Variants in RDX observed in about 807,000 individuals in gnomAD.
RDX encodes the protein radixin.
In RDX, 32 loss-of-function variants were observed where a neutral mutation model predicts 83.7. That is an observed-to-expected ratio of 0.38 (90% CI 0.29 to 0.51). The LOEUF is 0.51. Ranked by LOEUF, RDX falls within the 20% of genes least tolerant of loss-of-function variation. The pLI is 0.87. For synonymous variants in RDX, 229 were observed against 222.7 expected, an observed-to-expected ratio of 1.03 and a Z score of -0.25; for missense variants, 600 against 689.9, an observed-to-expected ratio of 0.87 and a Z score of 1.46.
downstream of RDX, among the ~76,000 whole-genome samples, chr11:110,225,873 C>A (rs893045347): frequency 1.3e-5 from 2 of 151,280 alleles, no homozygotes; most frequent in Non-Finnish European, 2.9e-5. Context: ...ATGGAGAAAT[C>A]CTGTCTCTAC....
chr11:110,210,758 G>A (rs1328414636), intron 14 of RDX, among the ~76,000 whole-genome samples: 1 of 151,980 alleles, frequency 6.6e-6, no homozygotes, highest in Non-Finnish European at 1.5e-5. Flanking sequence ...AAGTGAAGGA[G>A]AAATAAAATA....
intron 1 of RDX, among the ~76,000 whole-genome samples, chr11:110,284,331 T>C (rs149144336): frequency 1.3e-5 from 2 of 152,318 alleles, no homozygotes; most frequent in South Asian, 2.1e-4. Flanking sequence ...TTCTTTACAA[T>C]AGCCAATGAT....
At chr11:110,237,427 C>T in intron 11 of RDX, 65 bp downstream of exon 11, 4 of 1,491,326 alleles carry the variant, frequency 2.7e-6, no homozygotes, top group Admixed American at 2.1e-5. Flanking sequence ...TTCTTTTTTT[C>T]TTTTTTAGAG....
chr11:110,275,780 TC>T (rs1362112284), intron 2 of RDX, among the ~76,000 whole-genome samples: 3 of 136,290 alleles, frequency 2.2e-5, no homozygotes, highest in Non-Finnish European at 3.1e-5. Flanking sequence ...TTTTTTACCA[TC>T]CTTTTTTTTT....
chr11:110,273,342 G>GT (rs1860377057), intron 2 of RDX, among the ~76,000 whole-genome samples: 1 of 152,178 alleles, frequency 6.6e-6, no homozygotes, highest in Non-Finnish European at 1.5e-5. Context: ...TATTCATACT[G>GT]TAAATACATT....
chr11:110,293,931 C>T (rs1448706312), intron 1 of RDX, among the ~76,000 whole-genome samples: 2 of 152,142 alleles, frequency 1.3e-5, no homozygotes, highest in African/African-American at 4.8e-5. Context: ...AATTAAAATG[C>T]ATTAAATTAA....
chr11:110,189,268 A>AAAAAAAAAAAAAAAAAAAAAAG (rs1863057746), intron 15 of RDX, among the ~76,000 whole-genome samples: 1 of 130,632 alleles, frequency 7.7e-6, no homozygotes, highest in Non-Finnish European at 1.6e-5. Flanking sequence ...AAAAAAAAAA[A>AAAAAAAAAAAAAAAAAAAAAAG]GACAAGGGCA....
chr11:110,270,125 T>C (rs1860244951), intron 3 of RDX, among the ~76,000 whole-genome samples: 1 of 151,628 alleles, frequency 6.6e-6, no homozygotes, highest in African/African-American at 2.4e-5. Context: ...CATGTGTGCG[T>C]GTGTGTGTGT....
chr11:110,235,928 G>T (rs570881161), intron 12 of RDX, among the ~76,000 whole-genome samples, 171 bp downstream of exon 12: 1 of 152,234 alleles, frequency 6.6e-6, no homozygotes, highest in Admixed American at 6.5e-5. Flanking sequence ...CCTCTTCTGT[G>T]TTCCCAAAGT....
At chr11:110,187,913 G>A (rs1863018808) in intron 15 of RDX, among the ~76,000 whole-genome samples, 1 of 152,212 alleles carries the variant, frequency 6.6e-6, no homozygotes, top group African/African-American at 2.4e-5. Flanking sequence ...ACCCACAAGT[G>A]CCATCCACTG....
At chr11:110,292,363 T>A (rs571680636) in intron 1 of RDX, among the ~76,000 whole-genome samples, 2 of 151,374 alleles carry the variant, frequency 1.3e-5, no homozygotes, top group African/African-American at 4.9e-5. Context: ...GGGAGACTGA[T>A]GTGGGAGGAA....
In RDX at chr11:110,254,066, A is replaced by T; in HGVS notation, c.839T>A (p.Ile280Asn). Residue 280 changes from isoleucine (I) to asparagine (N), a missense_variant, in exon 9 of 14, where the codon ATT becomes AAT. By Grantham distance (149) the Ile-to-Asn change is moderately radical. Coordinates refer to ENST00000645495, the MANE Select transcript of RDX (RefSeq NM_002906.4). ...YAPRLRINKR[I>N]LALCMGNHEL... ...ATGGTTTCCCATACATAAGGCCAAA[A>T]TCCGCTTATTGATTCTCAGACGAGG... 6.2e-7 allele frequency: 1 copy of T among 1,613,734 alleles called. No individual in the cohort carries two copies. Among genetic ancestry groups the T allele is most frequent in the Non-Finnish European group, 8.5e-7 (1 of 1,179,818 alleles).
chr11:110,225,140 C>G (rs1024263338), downstream of RDX, among the ~76,000 whole-genome samples: 1 of 152,198 alleles, frequency 6.6e-6, no homozygotes, highest in South Asian at 2.1e-4. Context: ...CGTATTCTCT[C>G]TTCTGCCGTG....
chr11:110,195,043 C>T lies in RDX; in HGVS notation c.*31+4538G>A, dbSNP rs186233178. On this transcript the variant is annotated intron_variant, in intron 15 of 15. Coordinates refer to the RDX transcript ENST00000528498. ...TCTCGCTTTGTCGTCCAGGCTGGAG[C>T]GCAGTGGTGCGATCTCAGCTCACTG... is the stretch of plus-strand genomic sequence containing the variant. Among the ~76,000 whole-genome samples, 32 of 152,050 alleles carry T rather than the reference C, an allele frequency of 2.1e-4. No homozygotes were observed. In the East Asian group the frequency reaches 5.8e-3, roughly 28 times the overall value.
At chr11:110,215,827 C>G (rs1255488332) in intron 14 of RDX, among the ~76,000 whole-genome samples, 1 of 152,288 alleles carries the variant, frequency 6.6e-6, no homozygotes, top group Admixed American at 6.5e-5. Flanking sequence ...GGTTGTCCTT[C>G]GGCAGGTTAC....
At chr11:110,247,870 C>T in intron 9 of RDX, 37 bp from the exon 10 acceptor site, 1 of 1,534,412 alleles carries the variant, frequency 6.5e-7, no homozygotes, top group Non-Finnish European at 8.8e-7. Context: ...CAAATTAATA[C>T]ACAAAAATAT....
chr11:110,235,413 C>T (rs1006428714), intron 12 of RDX, among the ~76,000 whole-genome samples: 6 of 152,122 alleles, frequency 3.9e-5, no homozygotes, highest in Admixed American at 2.6e-4. Context: ...CAAAATGTCT[C>T]TTATATCTTC....
intron 14 of RDX, among the ~76,000 whole-genome samples, chr11:110,224,295 A>G (rs1009843808): frequency 1.3e-5 from 2 of 152,124 alleles, no homozygotes; most frequent in African/African-American, 4.8e-5. Flanking sequence ...GTCATCTGAG[A>G]GCAAAAAGAA....
chr11:110,287,797 T>C (rs1197694847), intron 1 of RDX, among the ~76,000 whole-genome samples: 1 of 152,220 alleles, frequency 6.6e-6, no homozygotes, highest in Non-Finnish European at 1.5e-5. Flanking sequence ...TCTCTCATTC[T>C]TCTAAAAAAG....
Sources: allele counts gnomAD v4.1 joint callset (sites outside exome capture counted in the v4.1 genomes callset), GRCh38; gene constraint gnomAD v4.1.1; transcripts MANE v1.5; gene names NCBI Gene and HGNC (gene_info 2026-07-23, HGNC 2026-07-21).